DNAJC3: variants seen among roughly 807,000 people sequenced by gnomAD.
DNAJC3 encodes the protein DnaJ heat shock protein family (Hsp40) member C3.
In DNAJC3, 38 loss-of-function variants were observed where a neutral mutation model predicts 68.6. That is an observed-to-expected ratio of 0.55 (90% CI 0.43 to 0.73). The LOEUF is 0.73. Among genes scored for constraint, DNAJC3 ranks in the 30% least tolerant of loss-of-function variants. The pLI is 0.00. For missense variants in DNAJC3, 526 were observed against 591.9 expected (o/e 0.89, Z 1.16); for synonymous variants, 203 against 204.0 (o/e 1.00, Z 0.04).
chr13:95,750,266 A>G (rs1230681942), intron 4 of DNAJC3, among the ~76,000 whole-genome samples: 1 of 150,236 alleles, frequency 6.7e-6, no homozygotes, highest in Non-Finnish European at 1.5e-5. Flanking sequence ...CTGTCTCAAA[A>G]AAAAAAAAAA....
intron 1 of DNAJC3, among the ~76,000 whole-genome samples, chr13:95,704,147 A>G (rs903053090): frequency 3.9e-5 from 6 of 152,234 alleles, no homozygotes; most frequent in Admixed American, 3.9e-4. Flanking sequence ...CTTCCAATTA[A>G]TCGGAAACAT....
chr13:95,744,913 G>A (rs551368997), intron 4 of DNAJC3: 5 of 152,250 alleles, frequency 3.3e-5, no homozygotes, highest in East Asian at 1.9e-4. Flanking sequence ...ATTTTACAGC[G>A]TAATATTGAT....
chr13:95,759,973 C>T (rs1049999864), intron 5 of DNAJC3, 67 bp from the exon 6 acceptor site: 12 of 1,408,516 alleles, frequency 8.5e-6, no homozygotes, highest in Middle Eastern at 1.9e-4. Context: ...ATAAAAAATA[C>T]GTGGAATGCA....
At chr13:95,756,245 T>A (rs555099968) in intron 4 of DNAJC3, among the ~76,000 whole-genome samples, 1 of 152,260 alleles carries the variant, frequency 6.6e-6, no homozygotes, top group South Asian at 2.1e-4. Context: ...CCGATGGGGT[T>A]TATCCGAAGT....
At chr13:95,734,106 C>T (rs1881808320) in intron 4 of DNAJC3, among the ~76,000 whole-genome samples, 1 of 152,054 alleles carries the variant, frequency 6.6e-6, no homozygotes, top group African/African-American at 2.4e-5. Flanking sequence ...TGAATCCTTT[C>T]TCATTTGTGT....
chr13:95,791,303 C>T lies in DNAJC3; in HGVS notation c.*273C>T, dbSNP rs117262178. 106 of 432,860 alleles carry T rather than the reference C, an allele frequency of 2.4e-4. No homozygotes were observed. Among genetic ancestry groups the T allele is most frequent in the Admixed American group, 8.8e-4 (21 of 23,816 alleles). 26.8% of individuals were successfully genotyped at this position (432,860 alleles called of 1,614,324 possible). On this transcript the variant is annotated 3_prime_UTR_variant, in exon 12 of 12. Coordinates refer to ENST00000602402, the MANE Select transcript of DNAJC3 (RefSeq NM_006260.5). ...GGAAGTGGTCTGAGGCAGGCTCACCCGTGGAAGTGCTCACGTATTCTGTAT... is the reference window on the plus strand; with the variant it reads ...GGAAGTGGTCTGAGGCAGGCTCACCTGTGGAAGTGCTCACGTATTCTGTAT...
At chr13:95,706,328 G>A (rs1322139168) in intron 1 of DNAJC3, among the ~76,000 whole-genome samples, 1 of 152,134 alleles carries the variant, frequency 6.6e-6, no homozygotes, top group South Asian at 2.1e-4. Flanking sequence ...TACAAAAAAC[G>A]GTTTGTTGAC....
chr13:95,704,708 G>T (rs980164576), intron 1 of DNAJC3, among the ~76,000 whole-genome samples: 15 of 152,144 alleles, frequency 9.9e-5, no homozygotes, highest in African/African-American at 3.4e-4. Flanking sequence ...TCTGCCACTA[G>T]GTGGCCAGCT....
At chr13:95,711,350 AG>A (rs1487274903) in intron 2 of DNAJC3, among the ~76,000 whole-genome samples, 1 of 152,150 alleles carries the variant, frequency 6.6e-6, no homozygotes, top group Admixed American at 6.5e-5. Flanking sequence ...TATAAAAATT[AG>A]CCAAGCGTGG....
chr13:95,747,576 C>T (rs778133405), intron 4 of DNAJC3, among the ~76,000 whole-genome samples: 1 of 152,104 alleles, frequency 6.6e-6, no homozygotes, highest in Non-Finnish European at 1.5e-5. Flanking sequence ...TATATAGTGC[C>T]AGGAATTGGC....
At chr13:95,725,814 TCCCTC>T (rs1881492449) in intron 4 of DNAJC3, among the ~76,000 whole-genome samples, 1 of 122,188 alleles carries the variant, frequency 8.2e-6, no homozygotes, top group Admixed American at 8.4e-5. Context: ...CCTAATGCTA[TCCCTC>T]CCCCCTCCCC....
chr13:95,714,524 G>T (rs952801921), intron 2 of DNAJC3, among the ~76,000 whole-genome samples: 6 of 152,190 alleles, frequency 3.9e-5, no homozygotes, highest in African/African-American at 4.8e-5. Flanking sequence ...AATAACAGGG[G>T]TTTCTTAACT....
At chr13:95,726,871 A>G (rs1439074589) in intron 4 of DNAJC3, among the ~76,000 whole-genome samples, 1 of 152,250 alleles carries the variant, frequency 6.6e-6, no homozygotes, top group East Asian at 1.9e-4. Context: ...TAACATTATC[A>G]TAACACTTGT....
rs1202543412 is a variant in DNAJC3 at position 95,792,556 on chromosome 13, T to C, written c.*1526T>C. 1.3e-5 allele frequency: 2 copies of C among 152,226 alleles called. No homozygotes were observed. Among genetic ancestry groups the C allele is most frequent in the East Asian group, 1.9e-4 (1 of 5,198 alleles). 9.4% of individuals were successfully genotyped at this position (152,226 alleles called of 1,614,324 possible). On this transcript the variant is annotated 3_prime_UTR_variant, in exon 12 of 12. Transcript: ENST00000602402. ...CACAAATCGTTTTCGTCTGTAGTCA[T>C]ATCCTGAAACATAGGTGGACAAATT...
chr13:95,716,590 C>T (rs1881154720), intron 2 of DNAJC3, among the ~76,000 whole-genome samples: 1 of 152,116 alleles, frequency 6.6e-6, no homozygotes, highest in Non-Finnish European at 1.5e-5. Flanking sequence ...GTGGAGGTGG[C>T]TCTCAGCGAG....
chr13:95,748,163 A>G (rs963473614), intron 4 of DNAJC3, among the ~76,000 whole-genome samples: 2 of 152,216 alleles, frequency 1.3e-5, no homozygotes, highest in East Asian at 1.9e-4. Flanking sequence ...GCAGTGTTCC[A>G]TGAGATCCAA....
intron 4 of DNAJC3, among the ~76,000 whole-genome samples, chr13:95,756,931 T>G (rs896473909): frequency 6.6e-6 from 1 of 152,138 alleles, no homozygotes; most frequent in Non-Finnish European, 1.5e-5. Context: ...GGAAATGGTC[T>G]AAAACTGTGG....
chr13:95,732,064 AT>A (rs1881734719), intron 4 of DNAJC3, among the ~76,000 whole-genome samples: 2 of 151,926 alleles, frequency 1.3e-5, no homozygotes, highest in South Asian at 4.2e-4. Context: ...TTGTCAAGCT[AT>A]TGGATTCATT....
rs755789311 is a variant in DNAJC3, at chr13:95,723,253, G to A, written c.205G>A (p.Asp69Asn). The A allele has an allele frequency of 1.3e-5, 20 of 1,595,558 alleles. No individual in the cohort carries two copies. Among genetic ancestry groups the A allele is most frequent in the Non-Finnish European group, 1.6e-5 (19 of 1,169,008 alleles). ...QFHAAVDGDP[D>N]NYIAYYRRAT... ...ATTTTAATTTTCAGATGGTGACCCT[G>A]ATAACTATATTGCTTATTATCGGAG... is the stretch of plus-strand genomic sequence containing the variant. Residue 69 changes from aspartate to asparagine, a missense_variant, in exon 3 of 12, where the codon GAT becomes AAT. Physicochemically the swap from Asp to Asn is conservative, Grantham distance 23. Transcript: ENST00000602402.
Sources: gnomAD v4.1 joint callset for allele counts (sites outside exome capture counted in the v4.1 genomes callset) on GRCh38, gnomAD v4.1.1 for gene constraint, MANE v1.5 for transcripts, NCBI Gene and HGNC (gene_info 2026-07-23, HGNC 2026-07-21) for gene names.